Variants in ADGRB3 observed in about 807,000 individuals in gnomAD.
ADGRB3 encodes brain-specific angiogenesis inhibitor 3.
A neutral mutation model predicts 193.4 loss-of-function variants in ADGRB3; 37 were observed. The observed-to-expected ratio is 0.19, with a 90% CI of 0.15 to 0.25. The LOEUF is 0.25. ADGRB3 is among the 10% of genes least tolerant of loss of function. The probability of loss-of-function intolerance (pLI) is 1.00; values close to 1 mark genes in which losing one functional copy is unlikely to be tolerated. For missense variants in ADGRB3, 1,637 were observed against 1,852.9 expected (o/e 0.88, Z 2.14); for synonymous variants, 690 against 644.2 (o/e 1.07, Z -1.08).
At chr6:69,066,482 A>G (rs1268486789) in intron 16 of ADGRB3, among the ~76,000 whole-genome samples, 1 of 152,090 alleles carries the variant, frequency 6.6e-6, no homozygotes, top group Non-Finnish European at 1.5e-5. Context: ...AAAGCTTTTT[A>G]ACAAATAGCA....
intron 3 of ADGRB3, among the ~76,000 whole-genome samples, chr6:68,731,444 A>T (rs902113738): frequency 1.3e-5 from 2 of 151,700 alleles, no homozygotes; most frequent in Non-Finnish European, 3.0e-5. Context: ...GTTACAAAAA[A>T]GCCCGTAGTT....
intron 17 of ADGRB3, among the ~76,000 whole-genome samples, chr6:69,100,224 A>G (rs997308956): frequency 3.3e-5 from 5 of 152,158 alleles, no homozygotes; most frequent in African/African-American, 1.2e-4. Context: ...TACATCTATA[A>G]CTTTTAAATA....
intron 3 of ADGRB3, among the ~76,000 whole-genome samples, chr6:68,807,532 G>T (rs966805572): frequency 6.6e-6 from 1 of 151,930 alleles, no homozygotes; most frequent in Admixed American, 6.6e-5. Flanking sequence ...GAGCCACCGC[G>T]CCTGGCCGGA....
At chr6:68,891,846 T>C (rs1363285635) in intron 3 of ADGRB3, among the ~76,000 whole-genome samples, 1 of 152,034 alleles carries the variant, frequency 6.6e-6, no homozygotes, top group Admixed American at 6.6e-5. Flanking sequence ...GGAATGAAGA[T>C]GACAGAGCCA....
chr6:68,871,091 C>T (rs746961407), intron 3 of ADGRB3, among the ~76,000 whole-genome samples: 6 of 151,970 alleles, frequency 3.9e-5, no homozygotes, highest in Non-Finnish European at 1.5e-5. Context: ...TGTACTAAGG[C>T]GGATGGAAAA....
At chr6:69,387,954 A>G (rs1310375917) in intron 31 of ADGRB3, among the ~76,000 whole-genome samples, 1 of 152,132 alleles carries the variant, frequency 6.6e-6, no homozygotes, top group African/African-American at 2.4e-5. Flanking sequence ...GGCTTCTAAG[A>G]TCATTTTAAT....
chr6:68,837,609 G>T (rs1160272578), intron 3 of ADGRB3, among the ~76,000 whole-genome samples: 2 of 152,302 alleles, frequency 1.3e-5, no homozygotes, highest in South Asian at 2.1e-4. Context: ...GATAGAAAGT[G>T]ATTTGTATCA....
At chr6:68,802,027 TCC>T (rs1431587745) in intron 3 of ADGRB3, among the ~76,000 whole-genome samples, 11 of 152,254 alleles carry the variant, frequency 7.2e-5, no homozygotes, top group Admixed American at 5.2e-4. Flanking sequence ...ATATTCTAAC[TCC>T]CTTATTCTTC....
At chr6:69,384,296 A>G (rs1349203471) in intron 31 of ADGRB3, among the ~76,000 whole-genome samples, 2 of 152,064 alleles carry the variant, frequency 1.3e-5, no homozygotes, top group Admixed American at 6.6e-5. Flanking sequence ...AATGCTAGGC[A>G]TATAGAAAAC....
chr6:69,050,681 A>G (rs1265026765), intron 15 of ADGRB3, among the ~76,000 whole-genome samples: 1 of 152,166 alleles, frequency 6.6e-6, no homozygotes, highest in Non-Finnish European at 1.5e-5. Context: ...GTTTATATAA[A>G]GCTTATATTT....
At chr6:68,867,028 T>C (rs565511459) in intron 3 of ADGRB3, among the ~76,000 whole-genome samples, 94 of 152,262 alleles carry the variant, frequency 6.2e-4, no homozygotes, top group African/African-American at 2.2e-3. Flanking sequence ...GAAAAACCTA[T>C]TTTATGGGGA....
At chr6:68,865,567 T>G (rs1047995096) in intron 3 of ADGRB3, among the ~76,000 whole-genome samples, 1 of 152,174 alleles carries the variant, frequency 6.6e-6, no homozygotes, top group Non-Finnish European at 1.5e-5. Flanking sequence ...CTCAGCCATC[T>G]TCAGCCCTCA....
intron 17 of ADGRB3, among the ~76,000 whole-genome samples, chr6:69,159,709 T>C (rs1774934960): frequency 6.6e-6 from 1 of 152,152 alleles, no homozygotes; most frequent in African/African-American, 2.4e-5. Context: ...TCCAGTCTCA[T>C]GGTTATAAAT....
At chr6:68,802,410 TTG>T (rs2127371656) in intron 3 of ADGRB3, among the ~76,000 whole-genome samples, 1 of 152,250 alleles carries the variant, frequency 6.6e-6, no homozygotes, top group Non-Finnish European at 1.5e-5. Flanking sequence ...TAATTTATCT[TTG>T]TGTTTCCAGT....
chr6:69,383,602 G>T (rs1393404656), intron 31 of ADGRB3, among the ~76,000 whole-genome samples: 1 of 151,934 alleles, frequency 6.6e-6, no homozygotes, highest in Non-Finnish European at 1.5e-5. Flanking sequence ...CTAGTCGAAA[G>T]CTCAAAAGCT....
At chr6:69,007,817 G>A (rs547747898) in intron 11 of ADGRB3, among the ~76,000 whole-genome samples, 11 of 152,098 alleles carry the variant, frequency 7.2e-5, no homozygotes, top group African/African-American at 2.6e-4. Context: ...CAAAATACCT[G>A]AGACTGGTTA....
intron 20 of ADGRB3, among the ~76,000 whole-genome samples, chr6:69,244,764 T>C (rs1477311036): frequency 6.6e-6 from 1 of 152,054 alleles, no homozygotes; most frequent in East Asian, 1.9e-4. Context: ...CCTGCATCTC[T>C]AGACCTAAGC....
intron 3 of ADGRB3, among the ~76,000 whole-genome samples, chr6:68,764,528 C>A (rs994765429): frequency 3.3e-5 from 5 of 152,008 alleles, no homozygotes; most frequent in Non-Finnish European, 7.4e-5. Flanking sequence ...AGTTTGAAAA[C>A]CAGAATCATA....
chr6:68,870,079 G>T (rs533605030), intron 3 of ADGRB3, among the ~76,000 whole-genome samples: 1 of 152,024 alleles, frequency 6.6e-6, no homozygotes. Flanking sequence ...GTGCCCAGCC[G>T]AAAGGCAACA....
Sources: gnomAD v4.1 joint callset for allele counts (sites outside exome capture counted in the v4.1 genomes callset) on GRCh38, gnomAD v4.1.1 for gene constraint, MANE v1.5 for transcripts, NCBI Gene and HGNC (gene_info 2026-07-23, HGNC 2026-07-21) for gene names.